CATSPERE: variants seen among roughly 807,000 people sequenced by gnomAD.
CATSPERE encodes the protein cation channel sperm-associated auxiliary subunit epsilon.
Under a neutral mutation model 114.1 loss-of-function variants are expected in CATSPERE, and 93 were observed. The observed-to-expected ratio is 0.81, with a 90% CI of 0.69 to 0.97. CATSPERE has a LOEUF of 0.97. Among genes scored for constraint, CATSPERE ranks in the 50% least tolerant of loss-of-function variants. The pLI is 0.00. For synonymous variants in CATSPERE, 341 were observed against 384.1 expected, an observed-to-expected ratio of 0.89 and a Z score of 1.31; for missense variants, 1,058 against 1,131.6, an observed-to-expected ratio of 0.93 and a Z score of 0.93.
intron 5 of CATSPERE, among the ~76,000 whole-genome samples, chr1:244,490,044 A>C (rs962383434): frequency 6.6e-6 from 1 of 152,210 alleles, no homozygotes; most frequent in East Asian, 1.9e-4. Context: ...GTGAGGATGA[A>C]CAGGAGAGGG....
At position 244,575,180 on chromosome 1, in the gene CATSPERE, C is replaced by T. The variant is rs1665050985; in HGVS notation, c.1950+2408C>T. ...GATTTTCCTTTTTACTTTCTCCCTT[C>T]CTCTCTTACACTTAGTTTCTTGGGC... On this transcript the variant is annotated intron_variant, in intron 11 of 21. Transcript: ENST00000366534. The surrounding 1 kb of genome is among the most constrained non-coding windows in gnomAD (Gnocchi z 4.5). 1.3e-5 allele frequency among the ~76,000 whole-genome samples: 2 copies of T among 152,230 alleles called. 1 individual carries two copies. Among genetic ancestry groups the T allele is most frequent in the African/African-American group, 4.8e-5 (2 of 41,474 alleles).
intron 8 of CATSPERE, among the ~76,000 whole-genome samples, chr1:244,545,444 C>G (rs1659594753): frequency 6.6e-6 from 1 of 152,176 alleles, no homozygotes. Flanking sequence ...GTCTAGGCTG[C>G]TGTGCAGACT....
chr1:244,473,407 G>A (rs1668786253), intron 2 of CATSPERE, among the ~76,000 whole-genome samples: 1 of 152,112 alleles, frequency 6.6e-6, no homozygotes, highest in Non-Finnish European at 1.5e-5. Flanking sequence ...TATCTTTGGT[G>A]AGGTGCCTGT....
In CATSPERE at chr1:244,522,794, GA is replaced by G. The variant is rs1439954503; in HGVS notation, c.536+4098del. 4.6e-5 allele frequency among the ~76,000 whole-genome samples: 7 copies of G among 152,208 alleles called. No homozygotes were observed. The East Asian group carries it at 1.4e-3, about 29-fold the overall frequency. On this transcript the variant is annotated intron_variant, in intron 8 of 21. Transcript: ENST00000366534. ...CCCAAGACTAAACCAGGAAGAAGCTGAATCTCTGAATAGACCAATAACAGGA... is the reference window on the plus strand; with the variant it reads ...CCCAAGACTAAACCAGGAAGAAGCTGATCTCTGAATAGACCAATAACAGGA...
chr1:244,454,065 G>C (rs1665894424), upstream of CATSPERE, among the ~76,000 whole-genome samples: 1 of 152,180 alleles, frequency 6.6e-6, no homozygotes, highest in African/African-American at 2.4e-5. Context: ...TCTCGTCTTT[G>C]TGTGCGTTTG....
At chr1:244,610,690 C>T (rs1346009615) in intron 19 of CATSPERE, 2 of 227,920 alleles carry the variant, frequency 8.8e-6, no homozygotes, top group Admixed American at 5.3e-5. Context: ...ACTTCCCTGG[C>T]CACCATATGG....
In CATSPERE at chr1:244,489,493, A is replaced by G. The variant is rs1380554529; in HGVS notation, c.327-954A>G. Among the ~76,000 whole-genome samples the G allele has an allele frequency of 2.3e-5, 3 of 127,996 alleles. No individual in the cohort carries two copies. The East Asian group carries it at 7.1e-4, about 30-fold the overall frequency. 84.0% of individuals were successfully genotyped at this position (127,996 alleles called of 152,430 possible). On this transcript the variant is annotated intron_variant, in intron 5 of 21. Transcript: ENST00000366534. ...TTTTTTTTTTTTTTGGTGGAAAGAA[A>G]GAGGTTTATTGAAGTGCTAGCAGCT...
At chr1:244,456,731 C>T (rs959259199), upstream of CATSPERE, among the ~76,000 whole-genome samples, 2 of 152,186 alleles carry the variant, frequency 1.3e-5, no homozygotes, top group African/African-American at 4.8e-5. Context: ...CCTGGGGACA[C>T]ATGGACAGCC....
At chr1:244,601,710 C>T (rs925308807) in intron 17 of CATSPERE, among the ~76,000 whole-genome samples, 1 of 151,966 alleles carries the variant, frequency 6.6e-6, no homozygotes, top group Non-Finnish European at 1.5e-5. Context: ...CCCAGCACTT[C>T]GGGAGGCCAA....
At chr1:244,570,200 A>G (rs752939413) in intron 10 of CATSPERE, among the ~76,000 whole-genome samples, 4 of 152,068 alleles carry the variant, frequency 2.6e-5, no homozygotes, top group Non-Finnish European at 5.9e-5. Flanking sequence ...GAAATAATTC[A>G]TTTTATGTAG....
At chr1:244,468,922 A>G (rs775272668) in intron 2 of CATSPERE, among the ~76,000 whole-genome samples, 1 of 152,198 alleles carries the variant, frequency 6.6e-6, no homozygotes, top group Non-Finnish European at 1.5e-5. Context: ...TGTTTCAGAG[A>G]GAGAGAGAAA....
At chr1:244,562,317 CTAAT>C (rs1309612246) in intron 10 of CATSPERE, among the ~76,000 whole-genome samples, 2 of 152,144 alleles carry the variant, frequency 1.3e-5, no homozygotes, top group African/African-American at 2.4e-5. Flanking sequence ...ACACTACTGT[CTAAT>C]TAATAGGGGT....
upstream of CATSPERE, among the ~76,000 whole-genome samples, chr1:244,461,104 T>G (rs578110220): frequency 0.016 from 2,495 of 152,170 alleles, 48 homozygotes; most frequent in Middle Eastern, 0.02. Context: ...TCCTCCTTCC[T>G]TCCTTCTTTT....
intron 8 of CATSPERE, among the ~76,000 whole-genome samples, chr1:244,522,003 A>G (rs895701027): frequency 2.0e-5 from 3 of 152,020 alleles, no homozygotes; most frequent in Non-Finnish European, 2.9e-5. Flanking sequence ...CATCTACAGA[A>G]CTCTCCACCC....
At chr1:244,478,074 T>A (rs1669650875) in intron 4 of CATSPERE, 99 bp downstream of exon 4, 3 of 887,362 alleles carry the variant, frequency 3.4e-6, no homozygotes, top group Non-Finnish European at 5.3e-6. Context: ...CAATCTAATT[T>A]AACCTGTTTT....
rs111736164 is a variant in CATSPERE, at chr1:244,633,468, C to T, written c.2649-2021C>T. ...ACTATGTATAATTTTTCCATATGGCCCACTTACATCTAATCTATTCCAAAT... is the reference window on the plus strand; with the variant it reads ...ACTATGTATAATTTTTCCATATGGCTCACTTACATCTAATCTATTCCAAAT... On this transcript the variant is annotated intron_variant, in intron 20 of 21. Transcript: ENST00000366534. The surrounding 1 kb of genome is among the most constrained non-coding windows in gnomAD (Gnocchi z 4.1). 3.9e-5 allele frequency among the ~76,000 whole-genome samples: 6 copies of T among 152,156 alleles called. No homozygotes were observed. Among genetic ancestry groups the T allele is most frequent in the South Asian group, 2.1e-4 (1 of 4,814 alleles).
intron 20 of CATSPERE, among the ~76,000 whole-genome samples, chr1:244,629,819 T>C (rs1162234032): frequency 6.6e-6 from 1 of 152,066 alleles, no homozygotes; most frequent in Non-Finnish European, 1.5e-5. Flanking sequence ...TTTGTATTTT[T>C]AGTAGAGACG....
At chr1:244,466,256 T>G (rs1397454747) in intron 2 of CATSPERE, among the ~76,000 whole-genome samples, 6 of 152,230 alleles carry the variant, frequency 3.9e-5, no homozygotes, top group Non-Finnish European at 8.8e-5. Flanking sequence ...TTTATCAATA[T>G]TCATACATGA....
intron 17 of CATSPERE, among the ~76,000 whole-genome samples, chr1:244,603,320 TAGGTTTGC>T (rs1669524494): frequency 6.6e-6 from 1 of 152,146 alleles, no homozygotes; most frequent in Non-Finnish European, 1.5e-5. Context: ...ATTTGTCTAA[TAGGTTTGC>T]AGGTGCACAG....
Sources: allele counts gnomAD v4.1 joint callset (sites outside exome capture counted in the v4.1 genomes callset), GRCh38; gene constraint gnomAD v4.1.1; non-coding constraint Gnocchi (gnomAD v3.1); transcripts MANE v1.5; gene names NCBI Gene and HGNC (gene_info 2026-07-23, HGNC 2026-07-21).